ST6GAL1: variants seen among roughly 807,000 people sequenced by gnomAD.
The protein encoded by ST6GAL1 is ST6 beta-galactoside alpha-2,6-sialyltransferase 1, also known as beta-galactoside alpha-2,6-sialyltransferase 1.
Under a neutral mutation model 38.0 loss-of-function variants are expected in ST6GAL1, and 20 were observed. That is an observed-to-expected ratio of 0.53 (90% CI 0.37 to 0.77). The LOEUF (loss-of-function observed/expected upper bound fraction) is 0.77, where lower values mean the gene tolerates loss of function less well. Among genes scored for constraint, ST6GAL1 ranks in the 30% least tolerant of loss-of-function variants. The pLI is 0.00. For synonymous variants in ST6GAL1, 196 were observed against 188.2 expected, an observed-to-expected ratio of 1.04 and a Z score of -0.34; for missense variants, 432 against 496.4, an observed-to-expected ratio of 0.87 and a Z score of 1.23.
intron 5 of ST6GAL1, among the ~76,000 whole-genome samples, chr3:187,061,847 G>A (rs1203338843): frequency 1.3e-5 from 2 of 151,978 alleles, no homozygotes; most frequent in Admixed American, 6.6e-5. Flanking sequence ...GCATACATAC[G>A]TAACAAAGGA....
chr3:186,966,784 C>T (rs1048435309), intron 2 of ST6GAL1, among the ~76,000 whole-genome samples: 4 of 152,164 alleles, frequency 2.6e-5, no homozygotes, highest in African/African-American at 7.2e-5. Flanking sequence ...CAGATCTCCC[C>T]GCCAGTTAGA....
chr3:187,033,139 C>T (rs1029047618), intron 2 of ST6GAL1, among the ~76,000 whole-genome samples: 31 of 152,276 alleles, frequency 2.0e-4, no homozygotes, highest in African/African-American at 7.0e-4. Context: ...GTTGGCTAGG[C>T]GTGGGGGCTC....
At position 186,962,704 on chromosome 3, in the gene ST6GAL1, G is replaced by A. The variant is rs9830384; in HGVS notation, c.-324-1081G>A. Among the ~76,000 whole-genome samples the A allele has an allele frequency of 6.3e-3, 966 of 152,254 alleles. 12 individuals carry two copies. The highest frequency in any genetic ancestry group is 0.022 in the African/African-American group (920 of 41,546). ...CTGTGTCCAAAGAAAATAATCATGG[G>A]ACTCCCTGGAAGATTTTGTTTCAAA... On this transcript the variant is annotated intron_variant, in intron 1 of 7. Coordinates refer to ENST00000169298, the MANE Select transcript of ST6GAL1 (RefSeq NM_173216.2).
chr3:187,034,476 CCCT>C (rs1415573465), intron 2 of ST6GAL1, among the ~76,000 whole-genome samples: 5 of 152,142 alleles, frequency 3.3e-5, no homozygotes, highest in Non-Finnish European at 7.3e-5. Context: ...AGGCCAATAT[CCCT>C]GATGAAAATA....
At chr3:186,948,527 TA>T (rs1714458674) in intron 1 of ST6GAL1, among the ~76,000 whole-genome samples, 1 of 112,524 alleles carries the variant, frequency 8.9e-6, no homozygotes, top group South Asian at 3.2e-4. Flanking sequence ...TCAGAAACTC[TA>T]GTGTGTGTGT....
At position 186,976,219 on chromosome 3, in the gene ST6GAL1, C is replaced by T. The variant is rs987580086; in HGVS notation, c.-183+12293C>T. Among the ~76,000 whole-genome samples, 40 of 152,192 alleles carry T rather than the reference C, an allele frequency of 2.6e-4. 1 individual carries two copies. The highest frequency in any genetic ancestry group is 8.8e-5 in the Non-Finnish European group (6 of 68,042). ...TTTCCTTTGCTTTCCTTTGATTTCT[C>T]ATCTTCAGTTGGTTTACGCTCTCCT... On this transcript the variant is annotated intron_variant, in intron 2 of 7. Coordinates refer to ENST00000169298, the MANE Select transcript of ST6GAL1 (RefSeq NM_173216.2).
chr3:187,025,607 C>T (rs1717508170), intron 2 of ST6GAL1: 1 of 152,174 alleles, frequency 6.6e-6, no homozygotes, highest in Non-Finnish European at 1.5e-5. Flanking sequence ...CACGAAAGGC[C>T]TACTTTTTGC....
intron 2 of ST6GAL1, among the ~76,000 whole-genome samples, chr3:187,022,832 T>A (rs2108566455): frequency 6.6e-6 from 1 of 152,226 alleles, no homozygotes; most frequent in African/African-American, 2.4e-5. Context: ...GGTTGGAGAG[T>A]AAGCCACATT....
chr3:187,008,296 C>T (rs76320215), intron 2 of ST6GAL1, among the ~76,000 whole-genome samples: 4,159 of 144,146 alleles, frequency 0.029, 94 homozygotes, highest in Non-Finnish European at 0.045. Flanking sequence ...ACACATTATA[C>T]GTAAGAAAAG....
chr3:187,015,425 C>T (rs1370054676), intron 2 of ST6GAL1, among the ~76,000 whole-genome samples: 1 of 152,206 alleles, frequency 6.6e-6, no homozygotes, highest in Non-Finnish European at 1.5e-5. Flanking sequence ...TAAGTGTGCT[C>T]TGGGCTTGGG....
rs3834202 is a variant in ST6GAL1 at position 187,019,772 on chromosome 3, CTCTAAG to C, written c.-182-18963_-182-18958del. ...TCTGGGGGCAACAGGGTGTCAAGCA[CTCTAAG>C]TCTAAGAACAGAAAGTTTGGGTTCT... On this transcript the variant is annotated intron_variant, in intron 2 of 7. Transcript: ENST00000169298. Among the ~76,000 whole-genome samples the C allele has an allele frequency of 3.1e-4, 47 of 152,286 alleles. 1 individual carries two copies. In the East Asian group the frequency reaches 7.5e-3, roughly 24 times the overall value.
At chr3:187,067,493 G>C (rs1034887308) in intron 5 of ST6GAL1, among the ~76,000 whole-genome samples, 1 of 151,374 alleles carries the variant, frequency 6.6e-6, no homozygotes, top group African/African-American at 2.4e-5. Flanking sequence ...TCCAGGAGGG[G>C]AGTGCTTGCT....
At position 187,042,859 on chromosome 3, in the gene ST6GAL1, G is replaced by T. The variant is rs1718172897; in HGVS notation, c.156G>T (p.Gly52=). Reference sequence around the variant, plus strand: ...AATTCCAGGTGTTAAAGAGTCTGGGGAAATTGGCCATGGGGTCTGATTCCC... The same window carrying T: ...AATTCCAGGTGTTAAAGAGTCTGGGTAAATTGGCCATGGGGTCTGATTCCC... The part of the protein sequence containing the change: ...TKEFQVLKSL[G]KLAMGSDSQS... Residue 52 remains glycine, a synonymous_variant, in exon 4 of 8, where the codon GGG becomes GGT. Coordinates refer to ENST00000169298, the MANE Select transcript of ST6GAL1 (RefSeq NM_173216.2). The T allele has an allele frequency of 6.2e-7, 1 of 1,614,166 alleles. No individual in the cohort carries two copies. The highest frequency in any genetic ancestry group is 1.1e-5 in the South Asian group (1 of 91,078).
At chr3:187,004,961 C>T (rs766507226) in intron 2 of ST6GAL1, among the ~76,000 whole-genome samples, 1 of 152,136 alleles carries the variant, frequency 6.6e-6, no homozygotes, top group Non-Finnish European at 1.5e-5. Context: ...CATGAAAATG[C>T]AGAGATAAAT....
intron 5 of ST6GAL1, among the ~76,000 whole-genome samples, chr3:187,058,922 T>G (rs1489287569): frequency 6.6e-6 from 1 of 152,152 alleles, no homozygotes; most frequent in Non-Finnish European, 1.5e-5. Flanking sequence ...ATTACAGGCG[T>G]GAGCCATCGT....
Position 187,075,850 on chromosome 3 carries a change from C to A in ST6GAL1, c.*47C>A. ...CCATCAGGCATTAAATGAATGGTCT[C>A]TTGGCCACCCCAGCCTGGGAAGAAC... On this transcript the variant is annotated 3_prime_UTR_variant, in exon 8 of 8. Coordinates refer to ENST00000169298, the MANE Select transcript of ST6GAL1 (RefSeq NM_173216.2). This position sits in a 1 kb window ranked among gnomAD's most constrained non-coding sequence, Gnocchi z 4.1. 1 of 1,605,694 alleles carries A rather than the reference C, an allele frequency of 6.2e-7. No homozygotes were observed. Among genetic ancestry groups the A allele is most frequent in the South Asian group, 1.1e-5 (1 of 90,428 alleles).
chr3:186,959,307 T>TA (rs1320039006), intron 1 of ST6GAL1, among the ~76,000 whole-genome samples: 1 of 152,144 alleles, frequency 6.6e-6, no homozygotes, highest in Non-Finnish European at 1.5e-5. Context: ...AAAGGGAAGA[T>TA]AAAGAAAAGC....
chr3:187,062,429 C>T (rs759015801), intron 5 of ST6GAL1, among the ~76,000 whole-genome samples: 6 of 152,064 alleles, frequency 3.9e-5, no homozygotes, highest in Admixed American at 2.0e-4. Context: ...GCAGAAGGAA[C>T]CCAAGTGTCT....
At chr3:186,956,310 A>C (rs1341663739) in intron 1 of ST6GAL1, among the ~76,000 whole-genome samples, 1 of 151,958 alleles carries the variant, frequency 6.6e-6, no homozygotes, top group Non-Finnish European at 1.5e-5. Flanking sequence ...TGGTGGCAAA[A>C]CCTGATTTGG....
Sources: allele counts gnomAD v4.1 joint callset (sites outside exome capture counted in the v4.1 genomes callset), GRCh38; gene constraint gnomAD v4.1.1; non-coding constraint Gnocchi (gnomAD v3.1); transcripts MANE v1.5; gene names NCBI Gene and HGNC (gene_info 2026-07-23, HGNC 2026-07-21).